CNGB3: variants seen among roughly 807,000 people sequenced by gnomAD.
CNGB3 encodes the protein cyclic nucleotide gated channel subunit beta 3.
In CNGB3, 86 loss-of-function variants were observed where a neutral mutation model predicts 92.8. That is an observed-to-expected ratio of 0.93 (90% CI 0.78 to 1.11). The LOEUF (loss-of-function observed/expected upper bound fraction) is 1.11, where lower values mean the gene tolerates loss of function less well. CNGB3 is among the 50% of genes least tolerant of loss of function. The pLI is 0.00. For missense variants in CNGB3, 1,026 were observed against 956.8 expected, an observed-to-expected ratio of 1.07 and a Z score of -0.95; for synonymous variants, 333 against 332.7, an observed-to-expected ratio of 1.00 and a Z score of -0.01.
At chr8:86,670,601 A>G (rs1823838046) in intron 4 of CNGB3, among the ~76,000 whole-genome samples, 1 of 152,012 alleles carries the variant, frequency 6.6e-6, no homozygotes, top group Non-Finnish European at 1.5e-5. Flanking sequence ...AAAAAAAGAG[A>G]TAGGGCCTCA....
chr8:86,718,396 A>C (rs1824904765), intron 3 of CNGB3, among the ~76,000 whole-genome samples: 1 of 152,126 alleles, frequency 6.6e-6, no homozygotes, highest in African/African-American at 2.4e-5. Flanking sequence ...ACACCTTTAC[A>C]CACATAAACT....
intron 6 of CNGB3, among the ~76,000 whole-genome samples, chr8:86,654,361 C>A (rs912034081): frequency 6.6e-6 from 1 of 152,146 alleles, no homozygotes; most frequent in Non-Finnish European, 1.5e-5. Flanking sequence ...CTTCTTCCTG[C>A]TTCTCTCATT....
intron 13 of CNGB3, among the ~76,000 whole-genome samples, chr8:86,615,927 A>T (rs1822611655): frequency 6.6e-6 from 1 of 152,180 alleles, no homozygotes; most frequent in African/African-American, 2.4e-5. Context: ...TTTTAAGAAA[A>T]TAAGTGTCTC....
intron 10 of CNGB3, among the ~76,000 whole-genome samples, chr8:86,639,035 A>G (rs1823128890): frequency 6.6e-6 from 1 of 151,830 alleles, no homozygotes. Context: ...AAGTCTCATC[A>G]TCTTTATCTG....
intron 6 of CNGB3, chr8:86,657,363 G>T (rs571924192): frequency 4.5e-6 from 2 of 447,474 alleles, no homozygotes; most frequent in South Asian, 3.6e-5. Context: ...TCCAAGCTTT[G>T]CTGACAGTGG....
Position 86,668,148 on chromosome 8 carries a change from G to A in CNGB3, c.514C>T (p.Pro172Ser), listed in dbSNP as rs762804298. 1.2e-6 allele frequency: 2 copies of A among 1,613,602 alleles called. No homozygotes were observed. The highest frequency in any genetic ancestry group is 1.7e-6 in the Non-Finnish European group (2 of 1,179,934). Residue 172 changes from proline to serine, a missense_variant, in exon 5 of 18, where the codon CCA becomes TCA. Pro to Ser is a moderately conservative substitution (Grantham distance 74). Coordinates refer to ENST00000320005, the MANE Select transcript of CNGB3 (RefSeq NM_019098.5). ...PQTAKPTAVP[P>S]VKESDDKPTE... is the part of the protein sequence containing the mutation. ...GGCTTATCATCGCTTTCTTTTACTG[G>A]TGGTACAGCCGTGGGCTTTGCTTCA...
At chr8:86,654,492 T>A (rs1823466098) in intron 6 of CNGB3, among the ~76,000 whole-genome samples, 1 of 152,182 alleles carries the variant, frequency 6.6e-6, no homozygotes, top group Non-Finnish European at 1.5e-5. Context: ...ACACGTATAC[T>A]GCTTGGCTCA....
chr8:86,667,174 C>A (rs1433227742), intron 5 of CNGB3, 41 bp from the exon 6 acceptor site: 1 of 1,549,522 alleles, frequency 6.5e-7, no homozygotes, highest in Non-Finnish European at 8.9e-7. Context: ...TGACATAGAA[C>A]AAACACAGAA....
At chr8:86,605,329 C>T (rs1218976199) in intron 14 of CNGB3, among the ~76,000 whole-genome samples, 1 of 151,996 alleles carries the variant, frequency 6.6e-6, no homozygotes, top group Admixed American at 6.6e-5. Context: ...TACAAGAGAC[C>T]TAAATGGCAC....
chr8:86,608,372 G>A (rs777927755), intron 14 of CNGB3, among the ~76,000 whole-genome samples: 9 of 152,246 alleles, frequency 5.9e-5, no homozygotes, highest in Non-Finnish European at 8.8e-5. Flanking sequence ...CAGCGTCTGG[G>A]AAGACGCCCG....
chr8:86,628,882 G>A (rs763951363), intron 12 of CNGB3, 37 bp downstream of exon 12: 8 of 1,609,956 alleles, frequency 5.0e-6, no homozygotes, highest in Non-Finnish European at 6.8e-6. Flanking sequence ...ATATGACAAG[G>A]TTTACAGGAA....
chr8:86,591,160 G>T (rs867669407), intron 15 of CNGB3, among the ~76,000 whole-genome samples: 1 of 148,528 alleles, frequency 6.7e-6, no homozygotes. Flanking sequence ...CATTCTTCAC[G>T]TAGTTCTCGA....
At chr8:86,742,083 A>C (rs562147921) in intron 1 of CNGB3, among the ~76,000 whole-genome samples, 4 of 152,224 alleles carry the variant, frequency 2.6e-5, no homozygotes, top group Non-Finnish European at 5.9e-5. Flanking sequence ...GTAGCCCTAG[A>C]AAAGGGCTTA....
intron 10 of CNGB3, among the ~76,000 whole-genome samples, chr8:86,635,302 G>A (rs368527572): frequency 1.3e-5 from 2 of 152,156 alleles, no homozygotes; most frequent in East Asian, 3.9e-4. Context: ...CAAGAGTGAA[G>A]AGAAACAAGA....
At chr8:86,615,147 G>T (rs1322175473) in intron 13 of CNGB3, among the ~76,000 whole-genome samples, 1 of 152,136 alleles carries the variant, frequency 6.6e-6, no homozygotes, top group Non-Finnish European at 1.5e-5. Context: ...CTATGCCACA[G>T]ATTTTGGTTT....
chr8:86,721,880 A>G (rs975418530), intron 3 of CNGB3, among the ~76,000 whole-genome samples: 1 of 152,202 alleles, frequency 6.6e-6, no homozygotes, highest in African/African-American at 2.4e-5. Flanking sequence ...TAGCTACTAG[A>G]CAATAAACGT....
At chr8:86,656,520 T>A (rs566577309) in intron 6 of CNGB3, among the ~76,000 whole-genome samples, 1 of 152,332 alleles carries the variant, frequency 6.6e-6, no homozygotes, top group Non-Finnish European at 1.5e-5. Flanking sequence ...AATTAGGTAC[T>A]TATTTTTAAA....
At chr8:86,738,610 C>T (rs938729792) in intron 2 of CNGB3, among the ~76,000 whole-genome samples, 2 of 152,098 alleles carry the variant, frequency 1.3e-5, no homozygotes, top group Admixed American at 6.5e-5. Context: ...GAGGCCAAGG[C>T]GGGAGGATCA....
intron 15 of CNGB3, among the ~76,000 whole-genome samples, chr8:86,580,796 A>G (rs1490203568): frequency 6.6e-6 from 1 of 152,234 alleles, no homozygotes; most frequent in South Asian, 2.1e-4. Context: ...AAGACACCAT[A>G]GGATCTGCAT....
Sources: gnomAD v4.1 joint callset for allele counts (sites outside exome capture counted in the v4.1 genomes callset) on GRCh38, gnomAD v4.1.1 for gene constraint, MANE v1.5 for transcripts, NCBI Gene and HGNC (gene_info 2026-07-23, HGNC 2026-07-21) for gene names.